Variants in STX2 observed in about 807,000 individuals in gnomAD.
STX2 encodes syntaxin 2, also known as syntaxin-2.
A neutral mutation model predicts 40.6 loss-of-function variants in STX2; 27 were observed. The observed-to-expected ratio is 0.66, with a 90% CI of 0.49 to 0.92. STX2 has a LOEUF of 0.92. Among genes scored for constraint, STX2 ranks in the 40% least tolerant of loss-of-function variants. The probability of loss-of-function intolerance (pLI) is 0.00; values close to 1 mark genes in which losing one functional copy is unlikely to be tolerated. For missense variants in STX2, 328 were observed against 366.1 expected, an observed-to-expected ratio of 0.90 and a Z score of 0.85; for synonymous variants, 123 against 119.1, an observed-to-expected ratio of 1.03 and a Z score of -0.22.
chr12:130,827,375 A>C, intron 1 of STX2, 108 bp from the exon 2 acceptor site: 1 of 786,906 alleles, frequency 1.3e-6, no homozygotes, highest in Non-Finnish European at 2.1e-6. Flanking sequence ...AACTCACTAC[A>C]GCACCAAATT....
chr12:130,818,455 CGT>C (rs1264739840), intron 3 of STX2, among the ~76,000 whole-genome samples: 2 of 151,950 alleles, frequency 1.3e-5, no homozygotes, highest in Non-Finnish European at 1.5e-5. Flanking sequence ...TCATTTCACA[CGT>C]GTGGGAACTG....
chr12:130,828,030 C>T lies in STX2; in HGVS notation c.31-763G>A, dbSNP rs903814709. On this transcript the variant is annotated intron_variant, in intron 1 of 10. Transcript: ENST00000392373. ...CTGAAGACCTGGGCTCCAGCCTCCT[C>T]CCCAGCAGCCCATTAGCTTGTCTCA... Among the ~76,000 whole-genome samples the T allele has an allele frequency of 5.9e-5, 9 of 152,188 alleles. 1 individual carries two copies. Among genetic ancestry groups the T allele is most frequent in the Non-Finnish European group, 5.9e-5 (4 of 68,036 alleles).
chr12:130,838,194 A>G (rs1411600846), intron 1 of STX2, among the ~76,000 whole-genome samples: 1 of 152,226 alleles, frequency 6.6e-6, no homozygotes, highest in Non-Finnish European at 1.5e-5. Flanking sequence ...CCTGTATTGT[A>G]AAGGGAAAAA....
chr12:130,790,772 G>A lies in STX2; in HGVS notation c.*1251C>T, dbSNP rs938493654. The A allele has an allele frequency of 1.8e-4, 27 of 152,464 alleles. No individual in the cohort carries two copies. Among genetic ancestry groups the A allele is most frequent in the South Asian group, 2.1e-4 (1 of 4,828 alleles). 9.4% of individuals were successfully genotyped at this position (152,464 alleles called of 1,614,324 possible). Reference sequence around the variant, plus strand: ...TTCATTCATGTAAACTGGGAAACTCGAATCTCCTATTTAGTGAAAAGAGAC... The same window carrying A: ...TTCATTCATGTAAACTGGGAAACTCAAATCTCCTATTTAGTGAAAAGAGAC... On this transcript the variant is annotated 3_prime_UTR_variant, in exon 11 of 11. Coordinates refer to ENST00000392373, the MANE Select transcript of STX2 (RefSeq NM_194356.4).
intron 2 of STX2, 83 bp from the exon 3 acceptor site, chr12:130,821,871 G>A (rs1952129976): frequency 1.3e-6 from 1 of 778,950 alleles, no homozygotes; most frequent in Non-Finnish European, 2.1e-6. Flanking sequence ...AAGAATAAAG[G>A]AGGGAAATAA....
chr12:130,828,915 C>T (rs554058268), intron 1 of STX2, among the ~76,000 whole-genome samples: 20 of 151,574 alleles, frequency 1.3e-4, no homozygotes, highest in East Asian at 5.8e-4. Context: ...GGCAATCAAC[C>T]GACAAGCAGC....
In STX2 at chr12:130,839,052, C is replaced by T; in HGVS notation, c.30+18G>A. 2 of 1,335,114 alleles carry T rather than the reference C, an allele frequency of 1.5e-6. No individual in the cohort carries two copies. Among genetic ancestry groups the T allele is most frequent in the Non-Finnish European group, 1.9e-6 (2 of 1,039,410 alleles). The allele number at this position is 1,335,114 out of a possible 1,614,324, so 82.7% of individuals were successfully genotyped here. ...CGCCCCGGCCGGGCCTGAACCGCTACCCGCGGCTGCCGCTCACCGCCGTCA... is the reference window on the plus strand; with the variant it reads ...CGCCCCGGCCGGGCCTGAACCGCTATCCGCGGCTGCCGCTCACCGCCGTCA... On this transcript the variant is annotated intron_variant, in intron 1 of 10. Coordinates refer to ENST00000392373, the MANE Select transcript of STX2 (RefSeq NM_194356.4).
In STX2 at chr12:130,795,934, C is replaced by T. The variant is rs375090248; in HGVS notation, c.*45+61G>A. 14 of 1,533,190 alleles carry T rather than the reference C, an allele frequency of 9.1e-6. No homozygotes were observed. In the South Asian group the frequency reaches 1.1e-4, roughly 12 times the overall value. The allele number at this position is 1,533,190 out of a possible 1,614,324, so 95.0% of individuals were successfully genotyped here. A position where few individuals can be genotyped will look rare whatever the true frequency, so the allele number is the denominator to read the frequency against. ...TAGTTTTATGTCTATTACAATTAAG[C>T]AAATACTATTATTGGTTAATTGCAA... On this transcript the variant is annotated intron_variant, in intron 10 of 10. Transcript: ENST00000392373.
chr12:130,816,966 T>G (rs748131667), intron 3 of STX2, among the ~76,000 whole-genome samples: 27 of 152,198 alleles, frequency 1.8e-4, no homozygotes, highest in Admixed American at 3.3e-4. Flanking sequence ...GATCCAGAAT[T>G]GCTGGTGCTT....
At chr12:130,804,412 G>A (rs1000674427) in intron 6 of STX2, among the ~76,000 whole-genome samples, 6 of 152,156 alleles carry the variant, frequency 3.9e-5, no homozygotes, top group African/African-American at 1.4e-4. Context: ...TCTGCAATGA[G>A]GTCTGAAGAC....
chr12:130,827,370 A>C, intron 1 of STX2, 103 bp from the exon 2 acceptor site: 1 of 810,908 alleles, frequency 1.2e-6, no homozygotes, highest in Non-Finnish European at 2.0e-6. Flanking sequence ...ATCTCAACTC[A>C]CTACAGCACC....
intron 1 of STX2, among the ~76,000 whole-genome samples, chr12:130,827,914 C>T (rs1449033489): frequency 1.3e-5 from 2 of 152,186 alleles, no homozygotes; most frequent in African/African-American, 2.4e-5. Context: ...CTGAACCTGG[C>T]AGGTTGGGGC....
chr12:130,833,670 C>A (rs1952656976), intron 1 of STX2, among the ~76,000 whole-genome samples: 1 of 152,126 alleles, frequency 6.6e-6, no homozygotes, highest in Admixed American at 6.5e-5. Flanking sequence ...CTTGGACTCC[C>A]AAAGTAGTGG....
intron 1 of STX2, among the ~76,000 whole-genome samples, chr12:130,831,808 A>T (rs1373556848): frequency 1.3e-5 from 2 of 150,610 alleles, no homozygotes; most frequent in Non-Finnish European, 3.0e-5. Flanking sequence ...CATTATTATT[A>T]TATAAATACT....
chr12:130,819,116 G>C (rs1170290485), intron 3 of STX2, among the ~76,000 whole-genome samples: 1 of 152,234 alleles, frequency 6.6e-6, no homozygotes, highest in Non-Finnish European at 1.5e-5. Flanking sequence ...GCTGGGACCG[G>C]GGACCCGCCC....
intron 2 of STX2, among the ~76,000 whole-genome samples, chr12:130,826,530 C>G (rs942412579): frequency 6.6e-6 from 1 of 152,222 alleles, no homozygotes; most frequent in East Asian, 1.9e-4. Context: ...ACCATCCACA[C>G]CCAGTTCCCT....
intron 3 of STX2, among the ~76,000 whole-genome samples, chr12:130,814,635 T>C (rs891404965): frequency 1.2e-4 from 17 of 141,686 alleles, no homozygotes; most frequent in South Asian, 4.8e-4. Context: ...GACTTTTTTT[T>C]TTTTTTTTTT....
chr12:130,835,067 T>C (rs1488430635), intron 1 of STX2, among the ~76,000 whole-genome samples: 3 of 152,212 alleles, frequency 2.0e-5, no homozygotes, highest in East Asian at 1.9e-4. Context: ...GGTGGGCAGA[T>C]TGCTTGAGCT....
At chr12:130,826,160 A>T (rs1375814168) in intron 2 of STX2, among the ~76,000 whole-genome samples, 1 of 152,202 alleles carries the variant, frequency 6.6e-6, no homozygotes, top group African/African-American at 2.4e-5. Context: ...CACCGATTTC[A>T]GACCCTGAGC....
Sources: gnomAD v4.1 joint callset for allele counts (sites outside exome capture counted in the v4.1 genomes callset) on GRCh38, gnomAD v4.1.1 for gene constraint, MANE v1.5 for transcripts, NCBI Gene and HGNC (gene_info 2026-07-23, HGNC 2026-07-21) for gene names.